KCNMA1: variants seen among roughly 807,000 people sequenced by gnomAD.
The protein encoded by KCNMA1 is potassium calcium-activated channel subfamily M alpha 1, also known as Calcium-activated potassium channel subunit alpha-1.
A neutral mutation model predicts 140.0 loss-of-function variants in KCNMA1; 29 were observed. The observed-to-expected ratio is 0.21, with a 90% CI of 0.15 to 0.28. The LOEUF (loss-of-function observed/expected upper bound fraction) is 0.28. KCNMA1 is among the 10% of genes least tolerant of loss of function. The pLI is 1.00. For missense variants in KCNMA1, 880 were observed against 1,602.2 expected (o/e 0.55, Z 7.70); for synonymous variants, 612 against 611.9 (o/e 1.00, Z 0.00).
intron 2 of KCNMA1, among the ~76,000 whole-genome samples, chr10:77,282,804 G>A (rs945866274): frequency 1.3e-5 from 2 of 152,144 alleles, no homozygotes; most frequent in Non-Finnish European, 2.9e-5. Context: ...GAGCCCAGGA[G>A]TTCAAATTCA....
intron 1 of KCNMA1, among the ~76,000 whole-genome samples, chr10:77,607,960 C>T (rs907829970): frequency 6.6e-6 from 1 of 152,148 alleles, no homozygotes; most frequent in African/African-American, 2.4e-5. Context: ...CCATCCCTGC[C>T]TTCCCGTAAC....
rs146827910 is a variant in KCNMA1 at position 77,403,722 on chromosome 10, C to T, written c.540+140G>A. The T allele has an allele frequency of 3.5e-5, 26 of 751,920 alleles. 1 individual carries two copies. Among genetic ancestry groups the T allele is most frequent in the East Asian group, 3.2e-4 (12 of 37,714 alleles). The allele number at this position is 751,920 out of a possible 1,614,324, so 46.6% of individuals were successfully genotyped here. ...ACCGAGCCTCTCCTCCATGACCACG[C>T]GGGAGCACTTGCTGCTCACCCCCAC... On this transcript the variant is annotated intron_variant, in intron 2 of 27. Coordinates refer to ENST00000286628, the MANE Select transcript of KCNMA1 (RefSeq NM_001161352.2).
At chr10:77,140,367 A>G (rs1430130757) in intron 5 of KCNMA1, 1 of 152,942 alleles carries the variant, frequency 6.5e-6, no homozygotes, top group African/African-American at 2.4e-5. Flanking sequence ...TCTCCGGAGC[A>G]GCAGGCCCAG....
chr10:77,628,939 C>A (rs775226245), intron 1 of KCNMA1, among the ~76,000 whole-genome samples: 1 of 152,128 alleles, frequency 6.6e-6, no homozygotes, highest in African/African-American at 2.4e-5. Context: ...CCTGTGAATT[C>A]GCTTTGAAAT....
At chr10:76,893,802 C>T (rs1188880813) in intron 25 of KCNMA1, among the ~76,000 whole-genome samples, 1 of 152,050 alleles carries the variant, frequency 6.6e-6, no homozygotes, top group Non-Finnish European at 1.5e-5. Context: ...GACTGGTATA[C>T]TGCAAACTAC....
chr10:77,018,986 GA>G, intron 17 of KCNMA1, 26 bp downstream of exon 17: 1 of 1,346,378 alleles, frequency 7.4e-7, no homozygotes, highest in Non-Finnish European at 1.1e-6. Context: ...GGGCCAGAAA[GA>G]AAGCCAGTTG....
chr10:77,062,066 T>C (rs1359980221), intron 14 of KCNMA1, among the ~76,000 whole-genome samples: 2 of 152,228 alleles, frequency 1.3e-5, no homozygotes, highest in African/African-American at 2.4e-5. Context: ...TGTATCCTGA[T>C]TGTGGTGGTG....
intron 5 of KCNMA1, chr10:77,150,248 T>C (rs1677957833): frequency 6.6e-6 from 1 of 152,216 alleles, no homozygotes; most frequent in Non-Finnish European, 1.5e-5. Flanking sequence ...ATCATTATTC[T>C]GGACTGATTA....
At chr10:77,565,263 C>T (rs1352798982) in intron 1 of KCNMA1, among the ~76,000 whole-genome samples, 3 of 152,324 alleles carry the variant, frequency 2.0e-5, no homozygotes, top group East Asian at 1.9e-4. Flanking sequence ...CTCCCATTCC[C>T]GTTTTAGAGG....
intron 1 of KCNMA1, among the ~76,000 whole-genome samples, chr10:77,474,981 C>A (rs1421284049): frequency 1.3e-5 from 2 of 152,092 alleles, no homozygotes; most frequent in African/African-American, 4.8e-5. Flanking sequence ...AAGGGAGAAG[C>A]CCTGGAGGAC....
intron 2 of KCNMA1, among the ~76,000 whole-genome samples, chr10:77,333,725 T>A (rs144453973): frequency 3.3e-5 from 5 of 152,332 alleles, no homozygotes; most frequent in Admixed American, 3.3e-4. Flanking sequence ...AGAGGATATT[T>A]CAGATGAGAT....
At chr10:77,237,208 T>G (rs1217487192) in intron 3 of KCNMA1, among the ~76,000 whole-genome samples, 1 of 152,246 alleles carries the variant, frequency 6.6e-6, no homozygotes, top group African/African-American at 2.4e-5. Context: ...AGCTGGGCAC[T>G]GTACTAAGAG....
intron 1 of KCNMA1, among the ~76,000 whole-genome samples, chr10:77,408,351 G>A (rs1566648927): frequency 6.6e-6 from 1 of 152,202 alleles, no homozygotes; most frequent in Admixed American, 6.5e-5. Context: ...GGGGCAGCCC[G>A]ATGTCAGTCA....
At chr10:77,416,302 T>A (rs2096740770) in intron 1 of KCNMA1, among the ~76,000 whole-genome samples, 2 of 152,146 alleles carry the variant, frequency 1.3e-5, no homozygotes. Context: ...TGCAAGCTGC[T>A]GGCCCACACA....
At chr10:77,622,986 T>G (rs1473529499) in intron 1 of KCNMA1, among the ~76,000 whole-genome samples, 1 of 152,212 alleles carries the variant, frequency 6.6e-6, no homozygotes, top group Non-Finnish European at 1.5e-5. Context: ...AAAAGGAACA[T>G]GGGTGAACAG....
intron 2 of KCNMA1, chr10:77,313,990 C>G (rs1238565962): frequency 1.3e-5 from 2 of 151,962 alleles, no homozygotes; most frequent in Admixed American, 6.6e-5. Context: ...TCCTGACCGT[C>G]ATTTTATAAA....
intron 2 of KCNMA1, among the ~76,000 whole-genome samples, chr10:77,271,342 G>T (rs1025780910): frequency 3.3e-5 from 5 of 152,120 alleles, no homozygotes; most frequent in Non-Finnish European, 1.5e-5. Flanking sequence ...ATTAGAAAAG[G>T]TCCCAACTCT....
At chr10:77,101,560 T>C (rs1194328706) in intron 9 of KCNMA1, among the ~76,000 whole-genome samples, 1 of 152,192 alleles carries the variant, frequency 6.6e-6, no homozygotes, top group East Asian at 1.9e-4. Context: ...TGCTAATTTA[T>C]GGCTTTTAAA....
chr10:77,319,953 C>T (rs951633268), intron 2 of KCNMA1, among the ~76,000 whole-genome samples: 1 of 152,204 alleles, frequency 6.6e-6, no homozygotes, highest in Non-Finnish European at 1.5e-5. Flanking sequence ...AGAGCATGGC[C>T]TCACTTGACT....
Sources: allele counts gnomAD v4.1 joint callset (sites outside exome capture counted in the v4.1 genomes callset), GRCh38; gene constraint gnomAD v4.1.1; transcripts MANE v1.5; gene names NCBI Gene and HGNC (gene_info 2026-07-23, HGNC 2026-07-21).